KIAA0232: variants seen among roughly 807,000 people sequenced by gnomAD.
KIAA0232 encodes the protein uncharacterized protein KIAA0232.
A neutral mutation model predicts 122.0 loss-of-function variants in KIAA0232; 27 were observed. That is an observed-to-expected ratio of 0.22 (90% CI 0.16 to 0.31). KIAA0232 has a LOEUF of 0.31. KIAA0232 is among the 10% of genes least tolerant of loss of function. KIAA0232 has a pLI of 1.00. For missense variants in KIAA0232, 1,551 were observed against 1,634.2 expected, an observed-to-expected ratio of 0.95 and a Z score of 0.88; for synonymous variants, 613 against 587.6, an observed-to-expected ratio of 1.04 and a Z score of -0.63.
At position 6,864,005 on chromosome 4, in the gene KIAA0232, A is replaced by T. The variant is rs1228864096; in HGVS notation, c.3623A>T (p.Asn1208Ile). ...GGGATTCTTTCAGTAGGAAAGCAAA[A>T]TCAGTGTTTGGAATGTAGCATGAAT... Reference protein sequence around the residue: ...STGILSVGKQNQCLECSMNES... With the variant: ...STGILSVGKQIQCLECSMNES... The change falls in exon 7 of 10, where the codon AAT becomes ATT. Residue 1208 changes from asparagine (N) to isoleucine (I), a missense_variant. By Grantham distance (149) the Asn-to-Ile change is moderately radical (BLOSUM62 -3). Coordinates refer to ENST00000307659, the MANE Select transcript of KIAA0232 (RefSeq NM_014743.3). 3.7e-6 allele frequency: 6 copies of T among 1,614,036 alleles called. No individual in the cohort carries two copies. Among genetic ancestry groups the T allele is most frequent in the Middle Eastern group, 1.6e-4 (1 of 6,084 alleles).
At chr4:6,797,559 C>T (rs1360088945) in intron 1 of KIAA0232, among the ~76,000 whole-genome samples, 4 of 146,386 alleles carry the variant, frequency 2.7e-5, no homozygotes, top group Non-Finnish European at 6.0e-5. Flanking sequence ...CGCTTGAGCC[C>T]AGGAATTCGA....
intron 7 of KIAA0232, among the ~76,000 whole-genome samples, chr4:6,864,660 A>G (rs1387779545): frequency 6.9e-6 from 1 of 145,614 alleles, no homozygotes; most frequent in Non-Finnish European, 1.5e-5. Context: ...AATCACTTGA[A>G]CCCGAGAGGC....
intron 1 of KIAA0232, among the ~76,000 whole-genome samples, chr4:6,785,314 A>G (rs1716570264): frequency 6.6e-6 from 1 of 152,236 alleles, no homozygotes; most frequent in Non-Finnish European, 1.5e-5. Flanking sequence ...GTTGTACGGT[A>G]GCACTCTTCA....
At chr4:6,871,147 A>G (rs975738509) in intron 7 of KIAA0232, among the ~76,000 whole-genome samples, 10 of 152,046 alleles carry the variant, frequency 6.6e-5, no homozygotes, top group Non-Finnish European at 1.5e-4. Flanking sequence ...AAAACTCACC[A>G]GTTGGCTGGG....
At chr4:6,842,910 G>A (rs1719742593) in intron 4 of KIAA0232, among the ~76,000 whole-genome samples, 1 of 151,978 alleles carries the variant, frequency 6.6e-6, no homozygotes. Context: ...TTTCTGTTAT[G>A]CAGTCTAGAA....
chr4:6,795,295 A>T (rs1287260765), intron 1 of KIAA0232, among the ~76,000 whole-genome samples: 1 of 152,098 alleles, frequency 6.6e-6, no homozygotes, highest in African/African-American at 2.4e-5. Context: ...GATGATCTCG[A>T]TCTCCTGACC....
At chr4:6,807,351 A>G (rs1305024518) in intron 2 of KIAA0232, among the ~76,000 whole-genome samples, 7 of 152,328 alleles carry the variant, frequency 4.6e-5, no homozygotes, top group Admixed American at 1.3e-4. Flanking sequence ...TTAATAATTC[A>G]TTTTAATTGT....
At chr4:6,836,331 G>GTTTTTTTTTTTT (rs199902844) in intron 3 of KIAA0232, among the ~76,000 whole-genome samples, 1 of 142,640 alleles carries the variant, frequency 7.0e-6, no homozygotes, top group African/African-American at 2.7e-5. Context: ...TTTGTTTTTT[G>GTTTTTTTTTTTT]TTTTGTTTTT....
chr4:6,869,332 C>T (rs1423488652), intron 7 of KIAA0232, among the ~76,000 whole-genome samples: 1 of 152,260 alleles, frequency 6.6e-6, no homozygotes, highest in Non-Finnish European at 1.5e-5. Context: ...TCTAAATCCA[C>T]TTATCTTCAA....
In KIAA0232 at chr4:6,882,679, T is replaced by C. The variant is rs1190889819; in HGVS notation, c.*1713T>C. ...GTGCGCGCGCGCATGTGTAAGGTTT[T>C]ATGTTGCTGTTATTTATTTACGAAC... On this transcript the variant is annotated 3_prime_UTR_variant, in exon 10 of 10. Coordinates refer to ENST00000307659, the MANE Select transcript of KIAA0232 (RefSeq NM_014743.3). 2 of 152,682 alleles carry C rather than the reference T, an allele frequency of 1.3e-5. No individual in the cohort carries two copies. Among genetic ancestry groups the C allele is most frequent in the East Asian group, 3.8e-4 (2 of 5,202 alleles). The allele number at this position is 152,682 out of a possible 1,614,324, so 9.5% of individuals were successfully genotyped here.
At chr4:6,815,686 T>C (rs73213649) in intron 2 of KIAA0232, among the ~76,000 whole-genome samples, 4 of 152,320 alleles carry the variant, frequency 2.6e-5, no homozygotes, top group Non-Finnish European at 5.9e-5. Context: ...TTACTTTCTT[T>C]TTCTTTCTTT....
chr4:6,853,095 A>G (rs1720381255), intron 4 of KIAA0232, among the ~76,000 whole-genome samples: 1 of 152,184 alleles, frequency 6.6e-6, no homozygotes, highest in South Asian at 2.1e-4. Flanking sequence ...ACCATAATGA[A>G]AATTGGGGAC....
intron 4 of KIAA0232, among the ~76,000 whole-genome samples, chr4:6,856,329 A>G (rs1165986990): frequency 6.6e-6 from 1 of 152,224 alleles, no homozygotes. Context: ...GTCACTGAAT[A>G]AATCTAAAGT....
At chr4:6,793,386 G>A (rs188240862) in intron 1 of KIAA0232, among the ~76,000 whole-genome samples, 6 of 152,246 alleles carry the variant, frequency 3.9e-5, no homozygotes, top group Admixed American at 3.3e-4. Context: ...AAAAAACTTA[G>A]CCTTAAGAAG....
At chr4:6,850,385 G>C (rs549413608) in intron 4 of KIAA0232, among the ~76,000 whole-genome samples, 12 of 152,024 alleles carry the variant, frequency 7.9e-5, no homozygotes, top group African/African-American at 2.7e-4. Context: ...GCTTATTTTC[G>C]TATGTTTACT....
At chr4:6,865,604 C>T (rs1721135053) in intron 7 of KIAA0232, among the ~76,000 whole-genome samples, 1 of 152,134 alleles carries the variant, frequency 6.6e-6, no homozygotes, top group African/African-American at 2.4e-5. Flanking sequence ...TCCGGCCCAG[C>T]TTATTGAAAA....
At chr4:6,846,933 C>T (rs1719998124) in intron 4 of KIAA0232, among the ~76,000 whole-genome samples, 1 of 152,246 alleles carries the variant, frequency 6.6e-6, no homozygotes, top group East Asian at 1.9e-4. Flanking sequence ...CCATCCAGTC[C>T]AAATGCCCTC....
chr4:6,849,225 G>A (rs772063253), intron 4 of KIAA0232, among the ~76,000 whole-genome samples: 1 of 152,194 alleles, frequency 6.6e-6, no homozygotes, highest in Admixed American at 6.5e-5. Context: ...GGGGGATTCT[G>A]CATCTGTTTT....
chr4:6,836,798 G>T (rs1256183042), intron 3 of KIAA0232, among the ~76,000 whole-genome samples: 4 of 151,996 alleles, frequency 2.6e-5, no homozygotes, highest in African/African-American at 7.2e-5. Context: ...AGCACATCTT[G>T]CACCGCCCTT....
Sources: gnomAD v4.1 joint callset for allele counts (sites outside exome capture counted in the v4.1 genomes callset) on GRCh38, gnomAD v4.1.1 for gene constraint, MANE v1.5 for transcripts, NCBI Gene and HGNC (gene_info 2026-07-23, HGNC 2026-07-21) for gene names.